The following COPS3 variants were observed in gnomAD, a reference collection of about 807,000 sequenced individuals.
The protein encoded by COPS3 is COP9 signalosome subunit 3.
A neutral mutation model predicts 58.2 loss-of-function variants in COPS3; 10 were observed. The ratio of observed to expected loss-of-function variants is 0.17; its 90% CI spans 0.11 to 0.29. The LOEUF is 0.29. COPS3 is among the 10% of genes least tolerant of loss of function. The probability of loss-of-function intolerance (pLI) is 1.00; values close to 1 mark genes in which losing one functional copy is unlikely to be tolerated. For synonymous variants in COPS3, 187 were observed against 181.7 expected (o/e 1.03, Z -0.24); for missense variants, 333 against 510.1 (o/e 0.65, Z 3.34).
At chr17:17,249,062 ATC>A in intron 9 of COPS3, 23 bp from the exon 10 acceptor site, 1 of 1,350,386 alleles carries the variant, frequency 7.4e-7, no homozygotes, top group Non-Finnish European at 1.0e-6. Context: ...AAAAAAAAAA[ATC>A]AGGAAAGCAG....
chr17:17,247,291 C>T, intron 11 of COPS3, 140 bp from the exon 12 acceptor site: 2 of 950,386 alleles, frequency 2.1e-6, no homozygotes, highest in Non-Finnish European at 3.4e-6. Flanking sequence ...CAGGAACCAC[C>T]CTAAGCATCC....
chr17:17,270,781 T>C lies in COPS3; in HGVS notation c.325A>G (p.Asn109Asp). 1 of 1,598,246 alleles carries C rather than the reference T, an allele frequency of 6.3e-7. No individual in the cohort carries two copies. The highest frequency in any genetic ancestry group is 1.1e-5 in the South Asian group (1 of 89,324). Residue 109 changes from asparagine (N) to aspartate (D), a missense_variant, in exon 4 of 12, where the codon AAT (asparagine) becomes GAT (aspartate). Physicochemically the swap from Asn to Asp is conservative, Grantham distance 23. Transcript: ENST00000268717. ...TFAGLCHQLT[N>D]ALVERKQPLR... ...ACCTGTTTTCTTTCCACAAGTGCAT[T>C]TGTTAGCTGATGGCAAAGCCCAGCA...
intron 1 of COPS3, 58 bp from the exon 2 acceptor site, chr17:17,276,222 A>G: frequency 6.2e-7 from 1 of 1,600,656 alleles, no homozygotes; most frequent in Non-Finnish European, 8.5e-7. Flanking sequence ...AAACTGATGG[A>G]ACTCTAACCA....
At chr17:17,268,498 A>G (rs1319348137) in intron 4 of COPS3, among the ~76,000 whole-genome samples, 1 of 152,154 alleles carries the variant, frequency 6.6e-6, no homozygotes, top group Non-Finnish European at 1.5e-5. Flanking sequence ...AGTAAGGCAT[A>G]ATCAGTTTTT....
At chr17:17,270,481 A>G (rs1275718427) in intron 4 of COPS3, among the ~76,000 whole-genome samples, 19 of 152,214 alleles carry the variant, frequency 1.2e-4, no homozygotes, top group Admixed American at 1.2e-3. Flanking sequence ...AAAACCCAGC[A>G]TATTACAACA....
At chr17:17,265,524 G>A (rs1212722053) in intron 5 of COPS3, among the ~76,000 whole-genome samples, 3 of 151,416 alleles carry the variant, frequency 2.0e-5, no homozygotes, top group Non-Finnish European at 2.9e-5. Context: ...TTAGCCTCCC[G>A]AGTAGCTGGG....
Position 17,248,928 on chromosome 17 carries a change from C to G in COPS3, c.1135G>C (p.Glu379Gln), listed in dbSNP as rs778653192. The G allele has an allele frequency of 1.9e-6, 3 of 1,556,962 alleles. No individual in the cohort carries two copies. The South Asian group carries it at 3.5e-5, about 18-fold the overall frequency. The change falls in exon 10 of 12, where the codon GAG (glutamate) becomes CAG (glutamine). Residue 379 changes from glutamate (E) to glutamine (Q), a missense_variant and splice_region_variant. Physicochemically the swap from Glu to Gln is conservative, Grantham distance 29 (BLOSUM62 2). Coordinates refer to ENST00000268717, the MANE Select transcript of COPS3 (RefSeq NM_003653.4). ...AAAAACCTGGCATTCATGTTTACCT[C>G]CTGATCAATGTTATGAAGCATGGCT... ...NPAMLHNIDQ[E>Q]MLKCIELDER... is the part of the protein sequence containing the mutation.
At chr17:17,264,687 A>C in intron 6 of COPS3, 115 bp downstream of exon 6, 1 of 780,330 alleles carries the variant, frequency 1.3e-6, no homozygotes, top group Non-Finnish European at 2.1e-6. Context: ...CTCTGAAAGG[A>C]CCAACACCTG....
intron 5 of COPS3, among the ~76,000 whole-genome samples, chr17:17,267,094 T>G (rs918804406): frequency 7.9e-5 from 12 of 151,418 alleles, no homozygotes; most frequent in African/African-American, 2.2e-4. Flanking sequence ...TCCCAGCACT[T>G]TGGGAGGCTG....
At chr17:17,280,903 CG>C (rs1597713466) in intron 1 of COPS3, 1 of 938,496 alleles carries the variant, frequency 1.1e-6, no homozygotes, top group East Asian at 2.9e-5. Flanking sequence ...GGGCTCCCGG[CG>C]GCCCGAGGGA....
At chr17:17,257,310 G>A (rs144930733) in intron 8 of COPS3, among the ~76,000 whole-genome samples, 8 of 151,140 alleles carry the variant, frequency 5.3e-5, no homozygotes, top group Non-Finnish European at 8.8e-5. Flanking sequence ...TCTGCAGTGA[G>A]CAAAGATCGC....
chr17:17,267,471 C>T (rs1485317321), intron 5 of COPS3, among the ~76,000 whole-genome samples: 1 of 151,294 alleles, frequency 6.6e-6, no homozygotes, highest in Admixed American at 6.6e-5. Flanking sequence ...AAACCCTGTT[C>T]TACTAAAAAT....
intron 8 of COPS3, among the ~76,000 whole-genome samples, chr17:17,258,556 G>A (rs926942581): frequency 5.3e-5 from 8 of 151,968 alleles, no homozygotes; most frequent in Non-Finnish European, 1.2e-4. Context: ...TTAGCATTTG[G>A]GTTCTTTTAT....
rs188357420 is a variant in COPS3 at position 17,252,331 on chromosome 17, G to T, written c.1023+2528C>A. 2.3e-3 allele frequency among the ~76,000 whole-genome samples: 264 copies of T among 115,894 alleles called. 1 individual carries two copies. Among genetic ancestry groups the T allele is most frequent in the Middle Eastern group, 0.02 (4 of 204 alleles). The allele number at this position is 115,894 out of a possible 152,430, so 76.0% of individuals were successfully genotyped here. On this transcript the variant is annotated intron_variant, in intron 9 of 11. Coordinates refer to ENST00000268717, the MANE Select transcript of COPS3 (RefSeq NM_003653.4). ...AAGCCTGGCAGTCCTGACATTTGGG[G>T]GCAGATAACGCTTTGGTGTGTGGGC...
In COPS3 at chr17:17,249,050, A is replaced by G. The variant is rs753085602; in HGVS notation, c.1024-11T>C. 9.9e-5 allele frequency: 33 copies of G among 334,920 alleles called. No individual in the cohort carries two copies. Among genetic ancestry groups the G allele is most frequent in the East Asian group, 8.2e-4 (6 of 7,332 alleles). 20.7% of individuals were successfully genotyped at this position (334,920 alleles called of 1,614,324 possible). A position where few individuals can be genotyped will look rare whatever the true frequency, so the allele number is the denominator to read the frequency against. On this transcript the variant is annotated splice_polypyrimidine_tract_variant and intron_variant, in intron 9 of 11. Coordinates refer to ENST00000268717, the MANE Select transcript of COPS3 (RefSeq NM_003653.4). ...CTCACCATCTTCTATCTGCAGAAAGAAAAAAAAAAAAATCAGGAAAGCAGT... is the reference window on the plus strand; with the variant it reads ...CTCACCATCTTCTATCTGCAGAAAGGAAAAAAAAAAAATCAGGAAAGCAGT...
In COPS3 at chr17:17,263,620, T is replaced by G. The variant is rs146246690; in HGVS notation, c.621+1182A>C. 4.3e-3 allele frequency among the ~76,000 whole-genome samples: 653 copies of G among 150,436 alleles called. 1 individual carries two copies. The highest frequency in any genetic ancestry group is 0.015 in the African/African-American group (618 of 41,102). On this transcript the variant is annotated intron_variant, in intron 6 of 11. Transcript: ENST00000268717. ...CCTCCGCCTCTTGGGTTCAAGCAATTCTCCTGCTTCAGCCTCCTGAGTAGC... is the reference window on the plus strand; with the variant it reads ...CCTCCGCCTCTTGGGTTCAAGCAATGCTCCTGCTTCAGCCTCCTGAGTAGC...
intron 6 of COPS3, 82 bp from the exon 7 acceptor site, chr17:17,262,188 A>G (rs992204170): frequency 8.1e-6 from 10 of 1,239,094 alleles, no homozygotes; most frequent in African/African-American, 7.7e-5. Context: ...CACATTAATT[A>G]TAAGTCAATA....
chr17:17,281,010 C>T, intron 1 of COPS3, 122 bp downstream of exon 1: 1 of 1,187,778 alleles, frequency 8.4e-7, no homozygotes, highest in Admixed American at 2.3e-5. Flanking sequence ...CAACCCCAAG[C>T]CCGGCCCCGG....
intron 1 of COPS3, 144 bp from the exon 2 acceptor site, chr17:17,276,308 G>T: frequency 9.7e-7 from 1 of 1,025,884 alleles, no homozygotes; most frequent in Non-Finnish European, 1.4e-6. Flanking sequence ...GATCCAGAAG[G>T]ACCAGAGGAG....
Sources: allele counts gnomAD v4.1 joint callset (sites outside exome capture counted in the v4.1 genomes callset), GRCh38; gene constraint gnomAD v4.1.1; transcripts MANE v1.5; gene names NCBI Gene and HGNC (gene_info 2026-07-23, HGNC 2026-07-21).